TAFA2: variants seen among roughly 807,000 people sequenced by gnomAD.
The protein encoded by TAFA2 is TAFA chemokine like family member 2.
A neutral mutation model predicts 18.8 loss-of-function variants in TAFA2; 7 were observed. The ratio of observed to expected loss-of-function variants is 0.37; its 90% CI spans 0.21 to 0.70. The LOEUF (loss-of-function observed/expected upper bound fraction) is 0.70, where lower values mean the gene tolerates loss of function less well. TAFA2 is among the 30% of genes least tolerant of loss of function. The pLI is 0.53. For missense variants in TAFA2, 122 were observed against 158.1 expected, an observed-to-expected ratio of 0.77 and a Z score of 1.23; for synonymous variants, 60 against 54.2, an observed-to-expected ratio of 1.11 and a Z score of -0.47.
At chr12:61,815,833 C>T (rs1872061443) in intron 2 of TAFA2, among the ~76,000 whole-genome samples, 1 of 151,108 alleles carries the variant, frequency 6.6e-6, no homozygotes, top group Admixed American at 6.6e-5. Context: ...GTTTATTGTG[C>T]ATCTGCTTTT....
At chr12:61,853,763 T>C (rs1271316365) in intron 2 of TAFA2, among the ~76,000 whole-genome samples, 1 of 152,158 alleles carries the variant, frequency 6.6e-6, no homozygotes, top group East Asian at 1.9e-4. Flanking sequence ...TTTTTTGTTT[T>C]GTTTTTTAAG....
intron 4 of TAFA2, among the ~76,000 whole-genome samples, chr12:61,723,655 G>T (rs75966352): frequency 0.026 from 3,927 of 152,094 alleles, 162 homozygotes; most frequent in African/African-American, 0.09. Context: ...CTTGGAAAAG[G>T]TCTGATTTTA....
chr12:62,054,100 T>C (rs1882125478), intron 1 of TAFA2, among the ~76,000 whole-genome samples: 1 of 152,200 alleles, frequency 6.6e-6, no homozygotes, highest in African/African-American at 2.4e-5. Flanking sequence ...TACAGCTGTG[T>C]ACTTCCAGTG....
chr12:61,919,323 C>A (rs1876952149), intron 1 of TAFA2, among the ~76,000 whole-genome samples: 1 of 152,122 alleles, frequency 6.6e-6, no homozygotes, highest in African/African-American at 2.4e-5. Flanking sequence ...TGGCCACTAC[C>A]CCCTGCATTC....
At chr12:61,927,071 A>G (rs1478075113) in intron 1 of TAFA2, among the ~76,000 whole-genome samples, 3 of 37,106 alleles carry the variant, frequency 8.1e-5, no homozygotes, top group South Asian at 1.5e-3. Context: ...GAGACTCTGA[A>G]AAAAAAAAAA....
chr12:62,034,785 A>G (rs1273245237), intron 1 of TAFA2, among the ~76,000 whole-genome samples: 2 of 152,178 alleles, frequency 1.3e-5, no homozygotes, highest in Non-Finnish European at 2.9e-5. Flanking sequence ...CAATGATACA[A>G]TCTTAGAATC....
chr12:61,832,860 G>C (rs1251440747), intron 2 of TAFA2, among the ~76,000 whole-genome samples: 1 of 151,484 alleles, frequency 6.6e-6, no homozygotes, highest in Non-Finnish European at 1.5e-5. Flanking sequence ...CACTTCCTCA[G>C]CTCTCTTCCC....
At chr12:61,768,787 T>C (rs554045983) in intron 2 of TAFA2, among the ~76,000 whole-genome samples, 2 of 152,198 alleles carry the variant, frequency 1.3e-5, no homozygotes, top group South Asian at 4.2e-4. Context: ...TCCAGCTGAA[T>C]TTTGTAACAA....
rs373724936 is a variant in TAFA2 at position 61,882,578 on chromosome 12, C to G, written c.-1-15152G>C. ...GGCTTAAAAGACAATTCAGAACTGG[C>G]TCAAATTCAGACTCTTTCACCAAGA... On this transcript the variant is annotated intron_variant, in intron 1 of 4. Coordinates refer to ENST00000416284, the MANE Select transcript of TAFA2 (RefSeq NM_178539.5). Among the ~76,000 whole-genome samples the G allele has an allele frequency of 2.6e-5, 4 of 152,124 alleles. No individual in the cohort carries two copies. In the East Asian group the frequency reaches 7.7e-4, roughly 29 times the overall value.
chr12:62,061,259 C>T (rs1301308157), intron 1 of TAFA2, among the ~76,000 whole-genome samples: 1 of 152,112 alleles, frequency 6.6e-6, no homozygotes, highest in East Asian at 1.9e-4. Context: ...ACAGGTGGGC[C>T]ATGTTTTGTC....
At chr12:61,734,844 T>A (rs907498126) in intron 4 of TAFA2, among the ~76,000 whole-genome samples, 1 of 152,042 alleles carries the variant, frequency 6.6e-6, no homozygotes, top group Non-Finnish European at 1.5e-5. Flanking sequence ...ACTACCTTTA[T>A]ATTATTTTCC....
chr12:61,910,761 ACTT>A (rs1876576064), intron 1 of TAFA2, among the ~76,000 whole-genome samples: 1 of 152,174 alleles, frequency 6.6e-6, no homozygotes, highest in African/African-American at 2.4e-5. Context: ...AAAGGTCAAA[ACTT>A]CTTGCTGCAG....
At chr12:62,062,145 G>C (rs1235155405) in intron 1 of TAFA2, among the ~76,000 whole-genome samples, 1 of 152,044 alleles carries the variant, frequency 6.6e-6, no homozygotes, top group Non-Finnish European at 1.5e-5. Context: ...CTGCACTCCA[G>C]CCTGGATGAC....
chr12:62,254,239 A>G (rs561561448), intron 1 of TAFA2, among the ~76,000 whole-genome samples: 2 of 152,296 alleles, frequency 1.3e-5, no homozygotes, highest in African/African-American at 2.4e-5. Context: ...CATTACTACT[A>G]TATGTTAAGC....
intron 2 of TAFA2, among the ~76,000 whole-genome samples, chr12:61,828,156 G>A (rs199836767): frequency 6.6e-6 from 1 of 151,972 alleles, no homozygotes; most frequent in East Asian, 1.9e-4. Flanking sequence ...TTTCCCTTCA[G>A]CAGCATTTGA....
intron 1 of TAFA2, among the ~76,000 whole-genome samples, chr12:62,113,300 T>C (rs1407466746): frequency 1.3e-4 from 20 of 152,132 alleles, no homozygotes; most frequent in Non-Finnish European, 2.9e-4. Context: ...TTTCCCTGGG[T>C]ATCACCAGCA....
Position 61,974,010 on chromosome 12 carries a change from G to A in TAFA2, c.-1-106584C>T, listed in dbSNP as rs114710160. 6.8e-3 allele frequency among the ~76,000 whole-genome samples: 1,031 copies of A among 151,782 alleles called. 12 individuals carry two copies. The highest frequency in any genetic ancestry group is 0.024 in the African/African-American group (990 of 41,490). ...AAACTCTCCAAAAAAAGAAGGAACAGGAATGTGTATTATGTTATGTAAAGG... is the reference window on the plus strand; with the variant it reads ...AAACTCTCCAAAAAAAGAAGGAACAAGAATGTGTATTATGTTATGTAAAGG... On this transcript the variant is annotated intron_variant, in intron 1 of 4. Transcript: ENST00000416284.
intron 1 of TAFA2, among the ~76,000 whole-genome samples, chr12:62,069,378 G>T (rs1040021079): frequency 2.1e-4 from 32 of 152,110 alleles, no homozygotes; most frequent in African/African-American, 6.5e-4. Context: ...CTAATCCTCT[G>T]CCCTATACAC....
chr12:61,767,453 A>G (rs539755506), intron 2 of TAFA2, among the ~76,000 whole-genome samples: 1 of 152,216 alleles, frequency 6.6e-6, no homozygotes, highest in South Asian at 2.1e-4. Context: ...TTGCAGATTT[A>G]TAATTCCATA....
Sources: allele counts gnomAD v4.1 joint callset (sites outside exome capture counted in the v4.1 genomes callset), GRCh38; gene constraint gnomAD v4.1.1; transcripts MANE v1.5; gene names NCBI Gene and HGNC (gene_info 2026-07-23, HGNC 2026-07-21).